The following ADGRE2 variants were observed in gnomAD, a reference collection of about 807,000 sequenced individuals.
ADGRE2 encodes adhesion G protein-coupled receptor E2.
In ADGRE2, 83 loss-of-function variants were observed where a neutral mutation model predicts 100.8. That is an observed-to-expected ratio of 0.82 (90% CI 0.69 to 0.99). The LOEUF is 0.99. Among genes scored for constraint, ADGRE2 ranks in the 50% least tolerant of loss-of-function variants. ADGRE2 has a pLI of 0.00. For synonymous variants in ADGRE2, 355 were observed against 413.0 expected (o/e 0.86, Z 1.70); for missense variants, 814 against 1,035.7 (o/e 0.79, Z 2.94).
At chr19:14,757,894 C>T (rs1361684853) in intron 11 of ADGRE2, among the ~76,000 whole-genome samples, 3 of 152,206 alleles carry the variant, frequency 2.0e-5, no homozygotes, top group African/African-American at 7.2e-5. Flanking sequence ...ACCTCCGTGT[C>T]CCAGGTTCAA....
At chr19:14,747,662 G>A (rs185063660) in intron 16 of ADGRE2, among the ~76,000 whole-genome samples, 7 of 152,232 alleles carry the variant, frequency 4.6e-5, no homozygotes, top group Admixed American at 2.0e-4. Context: ...CAAAAAATGA[G>A]CTGCGTGTGG....
At chr19:14,753,753 C>T (rs546510596) in intron 14 of ADGRE2, among the ~76,000 whole-genome samples, 21 of 151,548 alleles carry the variant, frequency 1.4e-4, no homozygotes, top group Non-Finnish European at 2.9e-4. Flanking sequence ...ATGACTGTGC[C>T]ACTGCACTCC....
At chr19:14,752,866 G>C (rs1443116326) in intron 14 of ADGRE2, among the ~76,000 whole-genome samples, 1 of 151,632 alleles carries the variant, frequency 6.6e-6, no homozygotes, top group Non-Finnish European at 1.5e-5. Context: ...CTGTCTCCTC[G>C]GTTCAAGCGA....
rs935236094 is a variant in ADGRE2, at chr19:14,752,544, A to G, written c.1591-18T>C. The G allele has an allele frequency of 1.2e-6, 2 of 1,612,426 alleles. No homozygotes were observed. Among genetic ancestry groups the G allele is most frequent in the Admixed American group, 3.4e-5 (2 of 59,662 alleles). On this transcript the variant is annotated intron_variant, in intron 14 of 20. Coordinates refer to ENST00000315576, the MANE Select transcript of ADGRE2 (RefSeq NM_013447.4). ...TCCTCCTCCTGGGACCCGGAAAAGA[A>G]GAGTTCACAGTGATGCTTTCCTGCT... is the stretch of plus-strand genomic sequence containing the variant.
intron 20 of ADGRE2, chr19:14,742,102 G>A (rs1270221366): frequency 1.0e-5 from 4 of 398,466 alleles, no homozygotes; most frequent in Admixed American, 4.4e-5. Flanking sequence ...TTATAAAAAA[G>A]CATTTAAACT....
the ADGRE2 span, among the ~76,000 whole-genome samples, chr19:14,725,733 A>G: frequency 3.9e-5 from 6 of 152,222 alleles, no homozygotes; most frequent in Non-Finnish European, 7.3e-5. Flanking sequence ...GTCAAGACAC[A>G]CTAGTGCAAG....
At chr19:14,752,554 G>A (rs1402865862) in intron 14 of ADGRE2, 28 bp from the exon 15 acceptor site, 1 of 1,609,710 alleles carries the variant, frequency 6.2e-7, no homozygotes, top group Non-Finnish European at 8.5e-7. Flanking sequence ...AGAGTTCACA[G>A]TGATGCTTTC....
Position 14,755,106 on chromosome 19 carries a change from C to A in ADGRE2, c.1438G>T (p.Val480Leu), listed in dbSNP as rs758093170. Residue 480 changes from valine to leucine, a missense_variant, in exon 14 of 21, where the codon GTG becomes TTG. Coordinates refer to ENST00000315576, the MANE Select transcript of ADGRE2 (RefSeq NM_013447.4). ...SHRSVIPRQK[V>L]LCVFWEHGQN... ...CCATGCTCCCAGAAGACACAGAGCA[C>A]CTTCTGTCTCGGGATCACTGACTGC... The A allele has an allele frequency of 6.2e-7, 1 of 1,613,934 alleles. No individual in the cohort carries two copies. Among genetic ancestry groups the A allele is most frequent in the Non-Finnish European group, 8.5e-7 (1 of 1,179,972 alleles).
At chr19:14,738,847 G>A (rs1345665644) in intron 20 of ADGRE2, among the ~76,000 whole-genome samples, 1 of 152,042 alleles carries the variant, frequency 6.6e-6, no homozygotes, top group Non-Finnish European at 1.5e-5. Flanking sequence ...TAAATATTGT[G>A]CTTCAGGAGA....
chr19:14,755,771 G>A lies in ADGRE2; in HGVS notation c.1299C>T (p.His433=). Residue 433 remains histidine, a synonymous_variant, in exon 13 of 21, where the codon CAC becomes CAT. Transcript: ENST00000315576. The stretch of plus-strand genomic sequence containing the variant: ...GGGAGCCGTCCTGCAGCAAGCCCTG[G>A]TGTGTCTCATGCAGAAGCATCTGCT... ...PEKQMLLHET[H]QGLLQDGSPI... 1 of 1,614,218 alleles carries A rather than the reference G, an allele frequency of 6.2e-7. No individual in the cohort carries two copies. Among genetic ancestry groups the A allele is most frequent in the Non-Finnish European group, 8.5e-7 (1 of 1,180,030 alleles).
intron 20 of ADGRE2, among the ~76,000 whole-genome samples, chr19:14,739,985 T>C (rs975097176): frequency 2.0e-5 from 3 of 151,618 alleles, no homozygotes; most frequent in African/African-American, 4.8e-5. Flanking sequence ...CCTGTAATCC[T>C]AGCTACTCGG....
chr19:14,772,817 T>C (rs994442727), intron 4 of ADGRE2, among the ~76,000 whole-genome samples: 1 of 151,178 alleles, frequency 6.6e-6, no homozygotes, highest in Non-Finnish European at 1.5e-5. Flanking sequence ...CAGTGGCTCA[T>C]ACCTGTAATC....
chr19:14,763,969 C>A (rs2043851453), intron 11 of ADGRE2, among the ~76,000 whole-genome samples: 1 of 150,126 alleles, frequency 6.7e-6, no homozygotes, highest in Non-Finnish European at 1.5e-5. Flanking sequence ...TGTCCTCCCC[C>A]TCCTGCCCTC....
intron 11 of ADGRE2, among the ~76,000 whole-genome samples, chr19:14,757,417 A>T (rs2043541032): frequency 6.6e-6 from 1 of 152,206 alleles, no homozygotes; most frequent in East Asian, 1.9e-4. Flanking sequence ...CCAAATACCC[A>T]AAAACAATCT....
At chr19:14,751,929 ATATTTT>A (rs1243063207) in intron 15 of ADGRE2, among the ~76,000 whole-genome samples, 9,279 of 81,122 alleles carry the variant, frequency 0.11, 236 homozygotes, top group South Asian at 0.16. Context: ...ATATATATAT[ATATTTT>A]TTTTTTTTTT....
chr19:14,731,105 A>G, downstream of ADGRE2: 20 of 1,099,408 alleles, frequency 1.8e-5, no homozygotes, highest in East Asian at 2.8e-5. Context: ...CCCCCCAAGG[A>G]TTGGCCCCTT....
At chr19:14,748,162 G>C (rs2043149338) in intron 16 of ADGRE2, among the ~76,000 whole-genome samples, 1 of 152,090 alleles carries the variant, frequency 6.6e-6, no homozygotes, top group Non-Finnish European at 1.5e-5. Flanking sequence ...TTCGGTGTCT[G>C]AAGTTTCCTT....
At chr19:14,755,608 C>T (rs1297962233) in intron 13 of ADGRE2, 46 bp downstream of exon 13, 1 of 1,547,488 alleles carries the variant, frequency 6.5e-7, no homozygotes, top group Non-Finnish European at 8.9e-7. Flanking sequence ...AAGGCTATGC[C>T]CGGACTCAGA....
At chr19:14,769,222 C>A (rs2044104003) in intron 5 of ADGRE2, among the ~76,000 whole-genome samples, 1 of 152,016 alleles carries the variant, frequency 6.6e-6, no homozygotes, top group East Asian at 1.9e-4. Context: ...AGACACCCCC[C>A]CCCCATCTTT....
Sources: allele counts gnomAD v4.1 joint callset (sites outside exome capture counted in the v4.1 genomes callset), GRCh38; gene constraint gnomAD v4.1.1; transcripts MANE v1.5; gene names NCBI Gene and HGNC (gene_info 2026-07-23, HGNC 2026-07-21).